The following SNX7 variants were observed in gnomAD, a reference collection of about 807,000 sequenced individuals.
SNX7 encodes the protein sorting nexin-7.
SNX7 carries 35 observed loss-of-function variants against 48.4 expected under a neutral mutation model. That is an observed-to-expected ratio of 0.72 (90% CI 0.55 to 0.96). The LOEUF is 0.96. Ranked by LOEUF, SNX7 falls within the 40% of genes least tolerant of loss-of-function variation. SNX7 has a pLI of 0.00. For synonymous variants in SNX7, 190 were observed against 190.2 expected (o/e 1.00, Z 0.01); for missense variants, 553 against 548.9 (o/e 1.01, Z -0.07).
At chr1:98,662,604 C>A in intron 1 of SNX7, 1 of 1,111,946 alleles carries the variant, frequency 9.0e-7, no homozygotes, top group South Asian at 1.5e-5. Context: ...GGGAAATTGA[C>A]TTGTGGGGGC....
intron 8 of SNX7, among the ~76,000 whole-genome samples, chr1:98,741,591 G>T (rs12122275): frequency 0.29 from 43,725 of 151,958 alleles, 6,821 homozygotes; most frequent in Non-Finnish European, 0.34. Context: ...TTAAACAAAT[G>T]AATAACGAAA....
intron 7 of SNX7, among the ~76,000 whole-genome samples, chr1:98,727,550 T>C (rs1029358514): frequency 1.3e-5 from 2 of 151,876 alleles, no homozygotes; most frequent in South Asian, 2.1e-4. Flanking sequence ...GAAGTAGACG[T>C]TTCAGAAGGT....
chr1:98,709,106 T>C (rs56790901), intron 7 of SNX7, among the ~76,000 whole-genome samples: 1,940 of 152,306 alleles, frequency 0.013, 49 homozygotes, highest in African/African-American at 0.045. Flanking sequence ...TTTAGTTTAC[T>C]CAACTGTGAG....
intron 8 of SNX7, among the ~76,000 whole-genome samples, chr1:98,752,553 C>A (rs1016577742): frequency 1.6e-4 from 25 of 151,834 alleles, no homozygotes; most frequent in Admixed American, 1.6e-3. Context: ...GCTCTTAGGG[C>A]AAAACTTAAT....
intron 5 of SNX7, 139 bp from the exon 6 acceptor site, chr1:98,698,567 T>C (rs902113773): frequency 1.3e-6 from 1 of 743,320 alleles, no homozygotes. Context: ...TAATGAAGGA[T>C]GATATCCGTT....
intron 1 of SNX7, among the ~76,000 whole-genome samples, chr1:98,673,041 A>G (rs1040291494): frequency 6.6e-6 from 1 of 152,178 alleles, no homozygotes; most frequent in African/African-American, 2.4e-5. Flanking sequence ...AAGAGTCTGA[A>G]TAAGACCATA....
At chr1:98,662,025 G>A (rs957711528) in intron 1 of SNX7, 114 bp downstream of exon 1, 1 of 1,129,886 alleles carries the variant, frequency 8.9e-7, no homozygotes, top group Non-Finnish European at 1.1e-6. Flanking sequence ...GTGGCTCTGA[G>A]CTGGGGACGA....
intron 7 of SNX7, among the ~76,000 whole-genome samples, chr1:98,710,055 T>C (rs1652219543): frequency 6.6e-6 from 1 of 152,142 alleles, no homozygotes; most frequent in Non-Finnish European, 1.5e-5. Flanking sequence ...CCAAGTGTGT[T>C]TTTAGTCATT....
rs765103117 is a variant in SNX7, at chr1:98,695,664, G to A, written c.786G>A (p.Gln262=). 1 of 1,606,080 alleles carries A rather than the reference G, an allele frequency of 6.2e-7. No individual in the cohort carries two copies. The highest frequency in any genetic ancestry group is 8.5e-7 in the Non-Finnish European group (1 of 1,172,826). ...ATAACTTTATTGAACTATTTAGCCA[G>A]AAAATAAATTTGATAGATAAAATAT... ...EMNNFIELFS[Q]KINLIDKISQ... The change falls in exon 5 of 9, where the codon CAG becomes CAA. Residue 262 remains glutamine, a synonymous_variant. Coordinates refer to ENST00000306121, the MANE Select transcript of SNX7 (RefSeq NM_015976.5).
chr1:98,661,935 C>G (rs1037729892), intron 1 of SNX7, 24 bp downstream of exon 1: 16 of 1,246,546 alleles, frequency 1.3e-5, no homozygotes, highest in Admixed American at 4.2e-5. Flanking sequence ...CGGCGAGTCC[C>G]GGGAAACTTC....
chr1:98,733,419 C>T (rs1425775125), intron 7 of SNX7, among the ~76,000 whole-genome samples: 1 of 152,100 alleles, frequency 6.6e-6, no homozygotes, highest in East Asian at 1.9e-4. Context: ...ACTCCTTCAG[C>T]GCCTCCACTT....
chr1:98,742,772 A>G (rs1654133153), intron 8 of SNX7, among the ~76,000 whole-genome samples: 1 of 151,942 alleles, frequency 6.6e-6, no homozygotes, highest in Non-Finnish European at 1.5e-5. Flanking sequence ...ATAATTTGCT[A>G]TTTTAAGATT....
intron 2 of SNX7, 92 bp downstream of exon 2, chr1:98,685,159 C>G: frequency 1.3e-6 from 1 of 783,406 alleles, no homozygotes; most frequent in Admixed American, 3.9e-5. Flanking sequence ...TCTGAACATT[C>G]CAAGATCTTA....
intron 2 of SNX7, among the ~76,000 whole-genome samples, chr1:98,685,829 G>A (rs902336262): frequency 6.6e-6 from 1 of 151,980 alleles, no homozygotes; most frequent in Non-Finnish European, 1.5e-5. Context: ...TATTAGTTAT[G>A]TTTCCTGAAG....
intron 2 of SNX7, among the ~76,000 whole-genome samples, chr1:98,690,329 G>A (rs1001899445): frequency 6.6e-6 from 1 of 152,056 alleles, no homozygotes; most frequent in Non-Finnish European, 1.5e-5. Context: ...TTGGGACTCA[G>A]GCAATAGAAA....
chr1:98,743,788 CTT>C (rs774491887), intron 8 of SNX7, among the ~76,000 whole-genome samples: 2 of 152,098 alleles, frequency 1.3e-5, no homozygotes, highest in East Asian at 3.9e-4. Context: ...TTGTTTTAAA[CTT>C]AATACTACAC....
At chr1:98,694,270 T>C (rs1171317424) in intron 4 of SNX7, among the ~76,000 whole-genome samples, 3 of 148,824 alleles carry the variant, frequency 2.0e-5, no homozygotes. Flanking sequence ...CTCAGGAGGC[T>C]GAGGCAGGAG....
At chr1:98,753,362 G>A (rs9433988) in intron 8 of SNX7, among the ~76,000 whole-genome samples, 107,620 of 151,964 alleles carry the variant, frequency 0.71, 39,644 homozygotes, top group South Asian at 0.82. Flanking sequence ...TAGAAAGGAA[G>A]ATGTTAATTC....
At chr1:98,751,487 C>A (rs1654576553) in intron 8 of SNX7, among the ~76,000 whole-genome samples, 1 of 152,044 alleles carries the variant, frequency 6.6e-6, no homozygotes, top group African/African-American at 2.4e-5. Context: ...CTCTGGCTCA[C>A]CTTCCTGTGG....
Sources: allele counts gnomAD v4.1 joint callset (sites outside exome capture counted in the v4.1 genomes callset), GRCh38; gene constraint gnomAD v4.1.1; transcripts MANE v1.5; gene names NCBI Gene and HGNC (gene_info 2026-07-23, HGNC 2026-07-21).